MAJIN: variants seen among roughly 807,000 people sequenced by gnomAD.
MAJIN encodes membrane anchored junction protein.
MAJIN carries 27 observed loss-of-function variants against 30.2 expected under a neutral mutation model. That is an observed-to-expected ratio of 0.89 (90% CI 0.66 to 1.23). The LOEUF (loss-of-function observed/expected upper bound fraction) is 1.23, where lower values mean the gene tolerates loss of function less well. Among genes scored for constraint, MAJIN ranks in the 50% most tolerant of loss-of-function variants. The pLI is 0.00. For missense variants in MAJIN, 253 were observed against 260.3 expected (o/e 0.97, Z 0.19); for synonymous variants, 78 against 91.6 (o/e 0.85, Z 0.85).
In MAJIN at chr11:64,959,219, G is replaced by C. The variant is rs1237724437; in HGVS notation, c.101+86C>G. On this transcript the variant is annotated intron_variant, in intron 3 of 10. Coordinates refer to ENST00000301896, the MANE Select transcript of MAJIN (RefSeq NM_001037225.3). ...GCTACTTTACCAGTCTCCTGAACTG[G>C]GTGAAGGTAAAGAAGAGGTGACCTG... 1.1e-5 allele frequency: 11 copies of C among 1,037,394 alleles called. No individual in the cohort carries two copies. The African/African-American group carries it at 1.4e-4, about 13-fold the overall frequency. The allele number at this position is 1,037,394 out of a possible 1,614,324, so 64.3% of individuals were successfully genotyped here.
chr11:64,940,242 C>T (rs1590687687), intron 9 of MAJIN, among the ~76,000 whole-genome samples: 1 of 152,308 alleles, frequency 6.6e-6, no homozygotes, highest in East Asian at 1.9e-4. Flanking sequence ...TCCAACAGTA[C>T]AGAAAAGGGA....
intron 1 of MAJIN, among the ~76,000 whole-genome samples, chr11:64,971,000 G>A (rs967185008): frequency 6.6e-6 from 1 of 152,196 alleles, no homozygotes; most frequent in East Asian, 1.9e-4. Flanking sequence ...TCTGTGGTAA[G>A]AAGGTGGGGT....
intron 3 of MAJIN, among the ~76,000 whole-genome samples, chr11:64,956,828 G>A (rs565840674): frequency 7.2e-6 from 1 of 138,894 alleles, no homozygotes; most frequent in East Asian, 2.2e-4. Context: ...GTGCAATAGC[G>A]CAATCTCCGC....
intron 1 of MAJIN, among the ~76,000 whole-genome samples, chr11:64,967,322 C>T (rs1399047877): frequency 6.6e-6 from 1 of 151,972 alleles, no homozygotes; most frequent in Non-Finnish European, 1.5e-5. Flanking sequence ...AGGAGAATCA[C>T]TTGAACTCAG....
chr11:64,966,575 ATAT>A (rs1945813327), intron 1 of MAJIN, among the ~76,000 whole-genome samples: 5 of 152,144 alleles, frequency 3.3e-5, no homozygotes, highest in Non-Finnish European at 7.4e-5. Context: ...AGGACTTTTT[ATAT>A]AAAGAGGGCA....
chr11:64,967,101 C>T (rs1945823724), intron 1 of MAJIN, among the ~76,000 whole-genome samples: 1 of 151,128 alleles, frequency 6.6e-6, no homozygotes, highest in Non-Finnish European at 1.5e-5. Flanking sequence ...GAGCCCTCGT[C>T]TGTATCATAT....
intron 1 of MAJIN, among the ~76,000 whole-genome samples, chr11:64,969,702 T>C (rs1945867864): frequency 6.6e-6 from 1 of 151,944 alleles, no homozygotes; most frequent in African/African-American, 2.4e-5. Flanking sequence ...CTGTCTTTTT[T>C]TTTTTTGAGA....
At chr11:64,942,511 C>A (rs774661192) in intron 8 of MAJIN, among the ~76,000 whole-genome samples, 1 of 151,980 alleles carries the variant, frequency 6.6e-6, no homozygotes, top group East Asian at 1.9e-4. Flanking sequence ...GCTCCCATGG[C>A]GAAGAGTTCT....
chr11:64,953,126 G>A (rs1945580705), intron 4 of MAJIN, among the ~76,000 whole-genome samples: 2 of 152,184 alleles, frequency 1.3e-5, no homozygotes, highest in Admixed American at 1.3e-4. Context: ...TACGTTGAAT[G>A]TAAATACTCT....
intron 4 of MAJIN, among the ~76,000 whole-genome samples, chr11:64,952,483 C>T (rs12272785): frequency 0.016 from 2,465 of 152,130 alleles, 81 homozygotes; most frequent in African/African-American, 0.056. Context: ...CCACAGAGCC[C>T]GGCTGTGTTT....
intron 8 of MAJIN, among the ~76,000 whole-genome samples, chr11:64,944,434 T>A (rs1305029391): frequency 6.6e-6 from 1 of 152,172 alleles, no homozygotes; most frequent in African/African-American, 2.4e-5. Flanking sequence ...TGGCACATAG[T>A]AGACACTCAA....
intron 1 of MAJIN, among the ~76,000 whole-genome samples, chr11:64,970,930 G>C (rs1160966117): frequency 6.6e-6 from 1 of 152,184 alleles, no homozygotes; most frequent in African/African-American, 2.4e-5. Flanking sequence ...CATGGCAACA[G>C]CTAGGCTGGG....
Position 64,947,895 on chromosome 11 carries a change from T to C in MAJIN, c.350-76A>G. On this transcript the variant is annotated intron_variant, in intron 6 of 10. Coordinates refer to ENST00000301896, the MANE Select transcript of MAJIN (RefSeq NM_001037225.3). ...TTTTTTTGGAGATTAAGTCTCTCTCTGTCACCCAGACTGGAGTGCAGTGGT... is the reference window on the plus strand; with the variant it reads ...TTTTTTTGGAGATTAAGTCTCTCTCCGTCACCCAGACTGGAGTGCAGTGGT... 3.6e-6 allele frequency: 5 copies of C among 1,378,850 alleles called. No homozygotes were observed. In the South Asian group the frequency reaches 6.0e-5, roughly 17 times the overall value. The allele number at this position is 1,378,850 out of a possible 1,614,324, so 85.4% of individuals were successfully genotyped here.
chr11:64,964,673 G>A (rs997975932), intron 1 of MAJIN, among the ~76,000 whole-genome samples: 1 of 150,242 alleles, frequency 6.7e-6, no homozygotes, highest in Non-Finnish European at 1.5e-5. Flanking sequence ...CGTAACCTCT[G>A]CCTCTGAGGT....
In MAJIN at chr11:64,939,775, G is replaced by A; in HGVS notation, c.547-8C>T. On this transcript the variant is annotated splice_region_variant and splice_polypyrimidine_tract_variant and intron_variant, in intron 9 of 10. Coordinates refer to ENST00000301896, the MANE Select transcript of MAJIN (RefSeq NM_001037225.3). ...TGTGTCCCCACTCAGAATCTGTAAG[G>A]AAAACAATCAGGCAGGAGCAAGATG... is the stretch of plus-strand genomic sequence containing the variant. 2 of 1,612,704 alleles carry A rather than the reference G, an allele frequency of 1.2e-6. No homozygotes were observed. Among genetic ancestry groups the A allele is most frequent in the Non-Finnish European group, 1.7e-6 (2 of 1,179,242 alleles).
intron 4 of MAJIN, 29 bp from the exon 5 acceptor site, chr11:64,950,459 C>G (rs1331104887): frequency 6.3e-7 from 1 of 1,582,702 alleles, no homozygotes; most frequent in Admixed American, 1.7e-5. Context: ...ATGACTTTAA[C>G]ACTGTTGAGT....
At chr11:64,965,091 G>A (rs1945785766) in intron 1 of MAJIN, among the ~76,000 whole-genome samples, 1 of 152,120 alleles carries the variant, frequency 6.6e-6, no homozygotes, top group Non-Finnish European at 1.5e-5. Flanking sequence ...TTTTATAAGT[G>A]TTAAAATATG....
chr11:64,952,781 T>C (rs1344420610), intron 4 of MAJIN, among the ~76,000 whole-genome samples: 1 of 152,134 alleles, frequency 6.6e-6, no homozygotes, highest in Non-Finnish European at 1.5e-5. Flanking sequence ...CTCGGCTCAC[T>C]GCAACCTCCG....
At chr11:64,955,164 T>C (rs1423127530) in intron 3 of MAJIN, among the ~76,000 whole-genome samples, 3 of 152,202 alleles carry the variant, frequency 2.0e-5, no homozygotes, top group Non-Finnish European at 4.4e-5. Flanking sequence ...GTGTTAATAT[T>C]TGTAACCATG....
Sources: allele counts gnomAD v4.1 joint callset (sites outside exome capture counted in the v4.1 genomes callset), GRCh38; gene constraint gnomAD v4.1.1; transcripts MANE v1.5; gene names NCBI Gene and HGNC (gene_info 2026-07-23, HGNC 2026-07-21).